DARS1: variants seen among roughly 807,000 people sequenced by gnomAD.
DARS1 encodes aspartate--tRNA ligase, cytoplasmic.
In DARS1, 51 loss-of-function variants were observed where a neutral mutation model predicts 68.8. The observed-to-expected ratio is 0.74, with a 90% CI of 0.59 to 0.94. DARS1 has a LOEUF of 0.94. Among genes scored for constraint, DARS1 ranks in the 40% least tolerant of loss-of-function variants. DARS1 has a pLI of 0.00. For synonymous variants in DARS1, 203 were observed against 190.4 expected, an observed-to-expected ratio of 1.07 and a Z score of -0.55; for missense variants, 607 against 597.3, an observed-to-expected ratio of 1.02 and a Z score of -0.17.
chr2:135,936,999 T>C (rs1220790674), intron 5 of DARS1, among the ~76,000 whole-genome samples: 2 of 152,214 alleles, frequency 1.3e-5, no homozygotes, highest in African/African-American at 4.8e-5. Flanking sequence ...TGATGTATAT[T>C]GTAGATACAA....
chr2:135,957,720 T>C (rs1252889574), intron 4 of DARS1, among the ~76,000 whole-genome samples: 1 of 152,134 alleles, frequency 6.6e-6, no homozygotes, highest in Non-Finnish European at 1.5e-5. Flanking sequence ...GACCAGCAGT[T>C]CTAAAACTAC....
intron 4 of DARS1, among the ~76,000 whole-genome samples, chr2:135,955,666 T>G (rs372185760): frequency 1.2e-5 from 1 of 86,836 alleles, no homozygotes; most frequent in East Asian, 4.4e-4. Flanking sequence ...CTTTTGAAAA[T>G]AAAAATCTTT....
intron 5 of DARS1, 128 bp from the exon 6 acceptor site, chr2:135,934,118 C>T: frequency 7.2e-7 from 1 of 1,394,046 alleles, no homozygotes; most frequent in Non-Finnish European, 9.4e-7. Flanking sequence ...AAACTACTTG[C>T]TGAAATCAAA....
intron 2 of DARS1, among the ~76,000 whole-genome samples, chr2:135,981,261 CTT>C (rs1682624180): frequency 6.6e-6 from 1 of 152,186 alleles, no homozygotes. Flanking sequence ...CAGTGAGCTT[CTT>C]TGTGTTACAG....
chr2:135,981,962 C>T (rs1164132307), intron 2 of DARS1, among the ~76,000 whole-genome samples: 1 of 152,034 alleles, frequency 6.6e-6, no homozygotes, highest in African/African-American at 2.4e-5. Context: ...TCCCAACAAG[C>T]CTGGGAAAGA....
intron 5 of DARS1, among the ~76,000 whole-genome samples, chr2:135,942,954 GA>G (rs1681638893): frequency 6.6e-6 from 1 of 152,244 alleles, no homozygotes; most frequent in African/African-American, 2.4e-5. Context: ...TTGACGAGTG[GA>G]ATATTTAGCA....
chr2:135,962,856 A>G (rs190766943), intron 3 of DARS1, among the ~76,000 whole-genome samples: 7 of 152,328 alleles, frequency 4.6e-5, no homozygotes, highest in African/African-American at 1.7e-4. Context: ...CCTAGGAACT[A>G]CTACTGAAAC....
chr2:135,983,252 T>A, intron 2 of DARS1, 145 bp downstream of exon 2: 1 of 605,586 alleles, frequency 1.7e-6, no homozygotes, highest in Non-Finnish European at 2.9e-6. Context: ...CACAGGGTTA[T>A]GACATCTACT....
chr2:135,910,938 C>T (rs912590890), intron 15 of DARS1: 5 of 474,276 alleles, frequency 1.1e-5, no homozygotes, highest in African/African-American at 8.2e-5. Context: ...AGACATTTGG[C>T]TTCTAAATTC....
intron 3 of DARS1, among the ~76,000 whole-genome samples, chr2:135,968,663 T>A (rs1349430578): frequency 6.7e-6 from 1 of 148,670 alleles, no homozygotes; most frequent in African/African-American, 2.5e-5. Context: ...TTCAGCTTTT[T>A]TTTTTTTTTT....
chr2:135,951,993 C>A (rs1045995749), intron 4 of DARS1, among the ~76,000 whole-genome samples: 2 of 152,168 alleles, frequency 1.3e-5, no homozygotes, highest in African/African-American at 2.4e-5. Flanking sequence ...GTAGTCCCTG[C>A]ACTTTGGGAG....
chr2:135,953,451 C>T (rs1245111081), intron 4 of DARS1, among the ~76,000 whole-genome samples: 2 of 152,136 alleles, frequency 1.3e-5, no homozygotes, highest in Non-Finnish European at 1.5e-5. Context: ...TTTTGAGTGA[C>T]TTTGTGCCTT....
chr2:135,946,917 GACT>G (rs1361279929), intron 4 of DARS1, among the ~76,000 whole-genome samples: 1 of 152,086 alleles, frequency 6.6e-6, no homozygotes, highest in Admixed American at 6.6e-5. Context: ...GAGTAGCTGG[GACT>G]ACAGGCAGGC....
At chr2:135,935,086 G>A (rs1316673738) in intron 5 of DARS1, among the ~76,000 whole-genome samples, 2 of 151,870 alleles carry the variant, frequency 1.3e-5, no homozygotes. Context: ...ACCACGCCCG[G>A]CCATCTTGTT....
chr2:135,908,471 T>G (rs1247622978), intron 15 of DARS1, among the ~76,000 whole-genome samples: 3 of 152,218 alleles, frequency 2.0e-5, no homozygotes, highest in South Asian at 4.1e-4. Flanking sequence ...TGGTTCTCAA[T>G]CTGTGAGGAA....
In DARS1 at chr2:135,920,603, G is replaced by T; in HGVS notation, c.812-3C>A. 6.3e-7 allele frequency: 1 copy of T among 1,577,926 alleles called. No individual in the cohort carries two copies. ...ATTAGAGTCTTCCGCTCTGAATACT[G>T]TGAAGTTAATAAAAGAAATAGAGAG... On this transcript the variant is annotated splice_polypyrimidine_tract_variant and splice_region_variant and intron_variant, in intron 9 of 15. Coordinates refer to ENST00000264161, the MANE Select transcript of DARS1 (RefSeq NM_001349.4).
intron 4 of DARS1, among the ~76,000 whole-genome samples, chr2:135,951,560 C>T (rs1185905085): frequency 1.3e-5 from 2 of 152,170 alleles, no homozygotes; most frequent in Non-Finnish European, 2.9e-5. Flanking sequence ...GTTTCAACAT[C>T]GTTGACACAT....
chr2:135,968,806 C>T lies in DARS1; in HGVS notation c.218-7308G>A, dbSNP rs114422751. ...ACTCCCAGGTAGCTGGGATTACAGG[C>T]GTGTGCCATGATGCCCGGCTATTTT... On this transcript the variant is annotated intron_variant, in intron 3 of 15. Transcript: ENST00000264161. 7.8e-3 allele frequency among the ~76,000 whole-genome samples: 1,181 copies of T among 151,982 alleles called. 15 individuals are homozygous for T. Among genetic ancestry groups the T allele is most frequent in the African/African-American group, 0.027 (1,113 of 41,414 alleles).
intron 4 of DARS1, among the ~76,000 whole-genome samples, chr2:135,958,406 C>T (rs1410685743): frequency 2.0e-5 from 3 of 152,178 alleles, no homozygotes; most frequent in South Asian, 2.1e-4. Flanking sequence ...CCATTTTATG[C>T]GCTAAAACAC....
Sources: gnomAD v4.1 joint callset for allele counts (sites outside exome capture counted in the v4.1 genomes callset) on GRCh38, gnomAD v4.1.1 for gene constraint, MANE v1.5 for transcripts, NCBI Gene and HGNC (gene_info 2026-07-23, HGNC 2026-07-21) for gene names.